CDH5: variants seen among roughly 807,000 people sequenced by gnomAD.
CDH5 encodes the protein cadherin-5.
A neutral mutation model predicts 62.0 loss-of-function variants in CDH5; 28 were observed. The observed-to-expected ratio is 0.45, with a 90% CI of 0.33 to 0.62. The LOEUF (loss-of-function observed/expected upper bound fraction) is 0.62. Among genes scored for constraint, CDH5 ranks in the 20% least tolerant of loss-of-function variants. The pLI, the probability that CDH5 is intolerant of heterozygous loss-of-function variation, is 0.02. For missense variants in CDH5, 940 were observed against 1,065.1 expected (o/e 0.88, Z 1.63); for synonymous variants, 464 against 445.8 (o/e 1.04, Z -0.52).
intron 1 of CDH5, among the ~76,000 whole-genome samples, chr16:66,372,042 G>A (rs1292950421): frequency 1.3e-5 from 2 of 152,256 alleles, no homozygotes; most frequent in Middle Eastern, 3.4e-3. Flanking sequence ...AGAGATGGAC[G>A]CCCACAAAGG....
At chr16:66,369,717 A>C (rs914051461) in intron 1 of CDH5, among the ~76,000 whole-genome samples, 1 of 152,158 alleles carries the variant, frequency 6.6e-6, no homozygotes, top group Non-Finnish European at 1.5e-5. Flanking sequence ...GAGCCCAGAG[A>C]TTCCAGCACA....
Position 66,403,458 on chromosome 16 carries a change from CA to C in CDH5, c.*292del. Reference sequence around the variant, plus strand: ...GTCACCCACAGACCGCCGTCTAACTCAAAGACTTCCTCTGGCTCCCCAAGGC... The same window carrying C: ...GTCACCCACAGACCGCCGTCTAACTCAAGACTTCCTCTGGCTCCCCAAGGC... On this transcript the variant is annotated 3_prime_UTR_variant, in exon 12 of 12. Transcript: ENST00000341529. The surrounding 1 kb of genome is among the most constrained non-coding windows in gnomAD (Gnocchi z 4.3). 1 of 452,346 alleles carries C rather than the reference CA, an allele frequency of 2.2e-6. No homozygotes were observed. Among genetic ancestry groups the C allele is most frequent in the Non-Finnish European group, 4.0e-6 (1 of 248,386 alleles). The allele number at this position is 452,346 out of a possible 1,614,324, so 28.0% of individuals were successfully genotyped here. A position where few individuals can be genotyped will look rare whatever the true frequency, so the allele number is the denominator to read the frequency against.
chr16:66,393,730 A>G (rs2142334931), intron 7 of CDH5, among the ~76,000 whole-genome samples: 1 of 152,210 alleles, frequency 6.6e-6, no homozygotes, highest in Admixed American at 6.5e-5. Context: ...TTTTTATTTG[A>G]TATAATTTTT....
chr16:66,397,893 C>T, intron 8 of CDH5, 89 bp from the exon 9 acceptor site: 3 of 1,541,532 alleles, frequency 1.9e-6, no homozygotes, highest in South Asian at 1.1e-5. Context: ...AAAGTGGCCT[C>T]CATAGGGCAG....
chr16:66,368,060 A>G (rs898454002), intron 1 of CDH5, among the ~76,000 whole-genome samples: 2 of 152,140 alleles, frequency 1.3e-5, no homozygotes, highest in African/African-American at 2.4e-5. Flanking sequence ...GGACATCGCG[A>G]GCACCTCTGG....
Position 66,403,229 on chromosome 16 carries a change from C to T in CDH5, c.*60C>T, listed in dbSNP as rs1961330859. ...CCCCCTGCAGCCCAGGCCAGTCAGA[C>T]GCCAGGCACCACAGCCTCCAAAAAT... On this transcript the variant is annotated 3_prime_UTR_variant, in exon 12 of 12. Transcript: ENST00000341529. The surrounding 1 kb of genome is among the most constrained non-coding windows in gnomAD (Gnocchi z 4.3). 4 of 1,460,502 alleles carry T rather than the reference C, an allele frequency of 2.7e-6. No individual in the cohort carries two copies. Among genetic ancestry groups the T allele is most frequent in the South Asian group, 1.3e-5 (1 of 77,666 alleles). The allele number at this position is 1,460,502 out of a possible 1,614,324, so 90.5% of individuals were successfully genotyped here.
intron 1 of CDH5, among the ~76,000 whole-genome samples, chr16:66,375,417 C>G (rs967113791): frequency 6.6e-6 from 1 of 152,084 alleles, no homozygotes; most frequent in African/African-American, 2.4e-5. Flanking sequence ...TGGCACATAC[C>G]TCCTTGTGGG....
In CDH5 at chr16:66,398,539, C is replaced by T. The variant is rs1316924882; in HGVS notation, c.1569C>T (p.Asn523=). ...KFKFILNTEN[N]FTLTDNHDNT... is the part of the protein sequence containing the mutation. ...AATTCATCTTGAATACTGAGAACAACTTTACCCTCACGGATAATCACGGTA... is the reference window on the plus strand; with the variant it reads ...AATTCATCTTGAATACTGAGAACAATTTTACCCTCACGGATAATCACGGTA... Residue 523 remains asparagine, a synonymous_variant, in exon 10 of 12, where the codon AAC becomes AAT. Coordinates refer to ENST00000341529, the MANE Select transcript of CDH5 (RefSeq NM_001795.5). The T allele has an allele frequency of 1.9e-6, 3 of 1,580,394 alleles. No homozygotes were observed. Among genetic ancestry groups the T allele is most frequent in the East Asian group, 2.2e-5 (1 of 44,718 alleles).
intron 8 of CDH5, among the ~76,000 whole-genome samples, chr16:66,397,711 A>G (rs1961210348): frequency 6.6e-6 from 1 of 152,146 alleles, no homozygotes; most frequent in Admixed American, 6.5e-5. Flanking sequence ...TTTTAATTTT[A>G]GGAATTTAAT....
At chr16:66,383,594 C>G (rs1200150647) in intron 2 of CDH5, among the ~76,000 whole-genome samples, 1 of 152,014 alleles carries the variant, frequency 6.6e-6, no homozygotes, top group African/African-American at 2.4e-5. Context: ...CCATCTTATC[C>G]TCACCTTGAG....
At chr16:66,375,344 T>C (rs1960765831) in intron 1 of CDH5, among the ~76,000 whole-genome samples, 1 of 151,764 alleles carries the variant, frequency 6.6e-6, no homozygotes, top group African/African-American at 2.4e-5. Context: ...GCTTGGGCGA[T>C]ATAGTCAAAC....
intron 2 of CDH5, among the ~76,000 whole-genome samples, chr16:66,384,355 A>T (rs201468363): frequency 1.3e-5 from 2 of 151,344 alleles, no homozygotes; most frequent in East Asian, 3.9e-4. Context: ...TGGACTCCCA[A>T]AGTGCTGGGA....
chr16:66,372,837 C>T (rs540179183), intron 1 of CDH5, among the ~76,000 whole-genome samples: 1 of 152,328 alleles, frequency 6.6e-6, no homozygotes, highest in South Asian at 2.1e-4. Flanking sequence ...TCACTCCGTC[C>T]TCTCATTTTG....
At position 66,389,430 on chromosome 16, in the gene CDH5, G is replaced by A. The variant is rs376592116; in HGVS notation, c.689G>A (p.Arg230Gln). ...AGGTATGAGATCGTGGTGGAAGCGC[G>A]AGATGCCCAGGGCCTCCGGGGGGAC... ...QARYEIVVEA[R>Q]DAQGLRGDSG... The change falls in exon 5 of 12, where the codon CGA becomes CAA. Residue 230 changes from arginine to glutamine, a missense_variant. Coordinates refer to ENST00000341529, the MANE Select transcript of CDH5 (RefSeq NM_001795.5). 1.1e-5 allele frequency: 18 copies of A among 1,613,522 alleles called. No individual in the cohort carries two copies. Among genetic ancestry groups the A allele is most frequent in the East Asian group, 8.9e-5 (4 of 44,850 alleles).
intron 6 of CDH5, among the ~76,000 whole-genome samples, chr16:66,391,539 G>A (rs757685010): frequency 6.6e-5 from 10 of 152,088 alleles, no homozygotes; most frequent in Admixed American, 1.3e-4. Context: ...TTGTGAGGCC[G>A]AGGCAGGTGG....
At chr16:66,402,098 G>C (rs183023505) in intron 11 of CDH5, among the ~76,000 whole-genome samples, 52 of 152,238 alleles carry the variant, frequency 3.4e-4, no homozygotes, top group African/African-American at 1.2e-3. Flanking sequence ...TATAAACAGA[G>C]CAGGGAGGTC....
chr16:66,402,473 G>A (rs1338481526), intron 11 of CDH5, among the ~76,000 whole-genome samples, 179 bp from the exon 12 acceptor site: 4 of 121,730 alleles, frequency 3.3e-5, no homozygotes, highest in Non-Finnish European at 7.0e-5. Context: ...CGGCGGGGAT[G>A]GGGTTGCAGG....
chr16:66,403,222 A>G lies in CDH5; in HGVS notation c.*53A>G. Reference sequence around the variant, plus strand: ...ACCCAAACCCCCTGCAGCCCAGGCCAGTCAGACGCCAGGCACCACAGCCTC... The same window carrying G: ...ACCCAAACCCCCTGCAGCCCAGGCCGGTCAGACGCCAGGCACCACAGCCTC... On this transcript the variant is annotated 3_prime_UTR_variant, in exon 12 of 12. Transcript: ENST00000341529. The surrounding 1 kb of genome is among the most constrained non-coding windows in gnomAD (Gnocchi z 4.3). The G allele has an allele frequency of 1.3e-6, 2 of 1,521,930 alleles. No homozygotes were observed. The highest frequency in any genetic ancestry group is 1.8e-6 in the Non-Finnish European group (2 of 1,130,448). 94.3% of individuals were successfully genotyped at this position (1,521,930 alleles called of 1,614,324 possible). A position where few individuals can be genotyped will look rare whatever the true frequency, so the allele number is the denominator to read the frequency against.
intron 1 of CDH5, among the ~76,000 whole-genome samples, chr16:66,373,878 A>T (rs1077318): frequency 1.3e-5 from 2 of 152,050 alleles, no homozygotes; most frequent in African/African-American, 4.8e-5. Flanking sequence ...GGGAATGATA[A>T]GTCTTACATC....
Sources: allele counts gnomAD v4.1 joint callset (sites outside exome capture counted in the v4.1 genomes callset), GRCh38; gene constraint gnomAD v4.1.1; non-coding constraint Gnocchi (gnomAD v3.1); transcripts MANE v1.5; gene names NCBI Gene and HGNC (gene_info 2026-07-23, HGNC 2026-07-21).